The following RSRC1 variants were observed in gnomAD, a reference collection of about 807,000 sequenced individuals.
RSRC1 encodes serine/Arginine-related protein 53.
RSRC1 carries 39 observed loss-of-function variants against 49.1 expected under a neutral mutation model. The observed-to-expected ratio is 0.79, with a 90% CI of 0.61 to 1.04. The LOEUF (loss-of-function observed/expected upper bound fraction) is 1.04. Among genes scored for constraint, RSRC1 ranks in the 50% least tolerant of loss-of-function variants. The pLI, the probability that RSRC1 is intolerant of heterozygous loss-of-function variation, is 0.00. For missense variants in RSRC1, 388 were observed against 402.4 expected (o/e 0.96, Z 0.31); for synonymous variants, 143 against 130.8 (o/e 1.09, Z -0.63).
At chr3:158,398,178 C>G (rs1461360248) in intron 6 of RSRC1, among the ~76,000 whole-genome samples, 2 of 152,042 alleles carry the variant, frequency 1.3e-5, no homozygotes, top group East Asian at 3.9e-4. Flanking sequence ...CATTAAAACT[C>G]AGGGATAATA....
intron 7 of RSRC1, among the ~76,000 whole-genome samples, chr3:158,470,321 A>AACACAC (rs375305594): frequency 1.7e-3 from 239 of 136,892 alleles, no homozygotes; most frequent in Middle Eastern, 3.9e-3. Flanking sequence ...TGCTCTTAGA[A>AACACAC]ACACACACAC....
In RSRC1 at chr3:158,199,118, T is replaced by C. The variant is rs114964775; in HGVS notation, c.321-3954T>C. On this transcript the variant is annotated intron_variant, in intron 3 of 9. Coordinates refer to ENST00000611884, the MANE Select transcript of RSRC1 (RefSeq NM_001271838.2). Reference sequence around the variant, plus strand: ...GATAGTGATTGGGTCTCATGAGATCTGAAGGTAAAAACGGGAGTTTCTCTG... The same window carrying C: ...GATAGTGATTGGGTCTCATGAGATCCGAAGGTAAAAACGGGAGTTTCTCTG... Among the ~76,000 whole-genome samples, 1,070 of 152,290 alleles carry C rather than the reference T, an allele frequency of 7.0e-3. 19 individuals are homozygous for C. The highest frequency in any genetic ancestry group is 0.024 in the African/African-American group (1,005 of 41,566).
intron 4 of RSRC1, among the ~76,000 whole-genome samples, chr3:158,239,561 C>A (rs1028701246): frequency 2.7e-5 from 4 of 149,276 alleles, no homozygotes; most frequent in Non-Finnish European, 5.9e-5. Flanking sequence ...ACATCACACA[C>A]CGGGGCCTGT....
chr3:158,360,655 A>G (rs1200294190), intron 6 of RSRC1, among the ~76,000 whole-genome samples: 1 of 152,238 alleles, frequency 6.6e-6, no homozygotes, highest in African/African-American at 2.4e-5. Context: ...CCATGCATGC[A>G]GTGTGCACAT....
At chr3:158,440,929 C>A (rs1313427634) in intron 6 of RSRC1, among the ~76,000 whole-genome samples, 1 of 151,650 alleles carries the variant, frequency 6.6e-6, no homozygotes, top group Non-Finnish European at 1.5e-5. Flanking sequence ...GCAACATGAG[C>A]AAAACTCCAT....
intron 6 of RSRC1, among the ~76,000 whole-genome samples, chr3:158,369,305 A>G (rs1017310079): frequency 6.6e-6 from 1 of 152,128 alleles, no homozygotes; most frequent in African/African-American, 2.4e-5. Context: ...ATTCAATTCT[A>G]AAATATGTGC....
chr3:158,254,566 G>A (rs957539971), intron 4 of RSRC1, among the ~76,000 whole-genome samples: 1 of 151,940 alleles, frequency 6.6e-6, no homozygotes, highest in Non-Finnish European at 1.5e-5. Flanking sequence ...CGAGTAGCTG[G>A]GACTACAGGC....
chr3:158,181,917 A>G lies in RSRC1; in HGVS notation c.321-21155A>G, dbSNP rs186001127. Among the ~76,000 whole-genome samples, 540 of 152,298 alleles carry G rather than the reference A, an allele frequency of 3.5e-3. 4 individuals are homozygous for G. Among genetic ancestry groups the G allele is most frequent in the African/African-American group, 0.012 (513 of 41,572 alleles). On this transcript the variant is annotated intron_variant, in intron 3 of 9. Coordinates refer to ENST00000611884, the MANE Select transcript of RSRC1 (RefSeq NM_001271838.2). ...GAAGGCACTATTCTAGGCACCTGGA[A>G]TATTATTAGTAAAAGAAACTGCCCT...
Position 158,389,849 on chromosome 3 carries a change from A to G in RSRC1, c.583+34941A>G, listed in dbSNP as rs139372144. On this transcript the variant is annotated intron_variant, in intron 6 of 9. Coordinates refer to ENST00000611884, the MANE Select transcript of RSRC1 (RefSeq NM_001271838.2). ...GGATATCTAGAATTCTTGCTATACC[A>G]ACTTAATGCTACTTGCCTTTTTCAG... Among the ~76,000 whole-genome samples the G allele has an allele frequency of 3.8e-3, 578 of 152,328 alleles. 5 individuals are homozygous for G. Among genetic ancestry groups the G allele is most frequent in the African/African-American group, 0.013 (544 of 41,578 alleles).
chr3:158,302,151 G>C (rs1727587570), intron 5 of RSRC1, among the ~76,000 whole-genome samples: 1 of 151,568 alleles, frequency 6.6e-6, no homozygotes, highest in Non-Finnish European at 1.5e-5. Context: ...ATTTTAGCCT[G>C]CTTGCATGCC....
intron 5 of RSRC1, among the ~76,000 whole-genome samples, chr3:158,306,204 A>G (rs970439901): frequency 6.6e-6 from 1 of 151,936 alleles, no homozygotes; most frequent in African/African-American, 2.4e-5. Flanking sequence ...CCTGCCATCA[A>G]TCTTGTCTTA....
chr3:158,212,434 G>A (rs1721733469), intron 4 of RSRC1, among the ~76,000 whole-genome samples: 1 of 151,576 alleles, frequency 6.6e-6, no homozygotes, highest in African/African-American at 2.4e-5. Flanking sequence ...TCATGCTACA[G>A]TTAGTATCAT....
At chr3:158,236,725 CAAAT>C (rs1723269251) in intron 4 of RSRC1, among the ~76,000 whole-genome samples, 1 of 152,030 alleles carries the variant, frequency 6.6e-6, no homozygotes, top group African/African-American at 2.4e-5. Flanking sequence ...TGGGAAAAGT[CAAAT>C]AAAATATGTA....
intron 5 of RSRC1, among the ~76,000 whole-genome samples, chr3:158,353,089 CA>C (rs1730964308): frequency 6.6e-6 from 1 of 152,136 alleles, no homozygotes. Flanking sequence ...AATAACCAAT[CA>C]GTCCTTTTGT....
At chr3:158,392,861 A>G (rs1309054307) in intron 6 of RSRC1, among the ~76,000 whole-genome samples, 3 of 152,120 alleles carry the variant, frequency 2.0e-5, no homozygotes, top group African/African-American at 7.2e-5. Context: ...CTCCACCTAA[A>G]AACAACCAAA....
chr3:158,372,577 TG>T (rs1732141222), intron 6 of RSRC1, among the ~76,000 whole-genome samples: 1 of 151,966 alleles, frequency 6.6e-6, no homozygotes, highest in Non-Finnish European at 1.5e-5. Context: ...AATTAGTTAG[TG>T]ATTTCTCTAA....
intron 4 of RSRC1, among the ~76,000 whole-genome samples, chr3:158,247,758 C>G (rs776297700): frequency 6.6e-6 from 1 of 152,086 alleles, no homozygotes; most frequent in African/African-American, 2.4e-5. Flanking sequence ...GGCAGCCTGC[C>G]CCTTCCTCTA....
chr3:158,297,708 AATAAT>A (rs1457832967), intron 4 of RSRC1, among the ~76,000 whole-genome samples: 1 of 139,122 alleles, frequency 7.2e-6, no homozygotes, highest in Non-Finnish European at 1.6e-5. Flanking sequence ...GGAAATAAAC[AATAAT>A]ATAATAAAAT....
chr3:158,306,643 A>T (rs1176769229), intron 5 of RSRC1, among the ~76,000 whole-genome samples: 1 of 151,942 alleles, frequency 6.6e-6, no homozygotes, highest in Non-Finnish European at 1.5e-5. Context: ...CAAAAAACAA[A>T]TAAGCGAAGA....
Sources: gnomAD v4.1 joint callset for allele counts (sites outside exome capture counted in the v4.1 genomes callset) on GRCh38, gnomAD v4.1.1 for gene constraint, MANE v1.5 for transcripts, NCBI Gene and HGNC (gene_info 2026-07-23, HGNC 2026-07-21) for gene names.